The following EIF2AK1 variants were observed in gnomAD, a reference collection of about 807,000 sequenced individuals.
EIF2AK1 encodes the protein eukaryotic translation initiation factor 2-alpha kinase 1.
EIF2AK1 carries 54 observed loss-of-function variants against 77.9 expected under a neutral mutation model. The observed-to-expected ratio is 0.69, with a 90% CI of 0.56 to 0.87. The LOEUF (loss-of-function observed/expected upper bound fraction) is 0.87, where lower values mean the gene tolerates loss of function less well. Ranked by LOEUF, EIF2AK1 falls within the 40% of genes least tolerant of loss-of-function variation. EIF2AK1 has a pLI of 0.00. For missense variants in EIF2AK1, 810 were observed against 768.6 expected (o/e 1.05, Z -0.64); for synonymous variants, 314 against 290.5 (o/e 1.08, Z -0.82).
At chr7:6,037,577 G>T in intron 10 of EIF2AK1, 53 bp from the exon 11 acceptor site, 2 of 1,071,090 alleles carry the variant, frequency 1.9e-6, no homozygotes, top group South Asian at 1.3e-5. Context: ...CTCATTACAT[G>T]GGCATCTAAA....
intron 3 of EIF2AK1, among the ~76,000 whole-genome samples, chr7:6,049,152 C>T (rs1367111728): frequency 6.6e-6 from 1 of 152,138 alleles, no homozygotes; most frequent in East Asian, 1.9e-4. Context: ...CCCCCTCAGT[C>T]CATTCGCAAC....
In EIF2AK1 at chr7:6,033,449, T is replaced by C. The variant is rs2128886787; in HGVS notation, c.1332+3975A>G. ...GCAACATCATAAATATTTTGCCAAA[T>C]TAATGCACATTCTGAGGATTAAGAG... On this transcript the variant is annotated intron_variant, in intron 11 of 14. Transcript: ENST00000199389. The surrounding 1 kb of genome is among the most constrained non-coding windows in gnomAD (Gnocchi z 4.4). Among the ~76,000 whole-genome samples, 1 of 152,312 alleles carries C rather than the reference T, an allele frequency of 6.6e-6. No individual in the cohort carries two copies. Among genetic ancestry groups the C allele is most frequent in the South Asian group, 2.1e-4 (1 of 4,822 alleles).
intron 1 of EIF2AK1, among the ~76,000 whole-genome samples, chr7:6,058,727 C>T (rs991282069): frequency 6.6e-6 from 1 of 152,230 alleles, no homozygotes; most frequent in Non-Finnish European, 1.5e-5. Flanking sequence ...GAGAGGAAAC[C>T]AAGGAACAGA....
rs1259849289 is a variant in EIF2AK1 at position 6,048,857 on chromosome 7, A to C, written c.412-13T>G. ...CCTCACAAGGATCCTACAATTAAAAAATTGTTTTTAAAAAGCATTTTGAAA... is the reference window on the plus strand; with the variant it reads ...CCTCACAAGGATCCTACAATTAAAACATTGTTTTTAAAAAGCATTTTGAAA... On this transcript the variant is annotated splice_polypyrimidine_tract_variant and intron_variant, in intron 3 of 14. Coordinates refer to ENST00000199389, the MANE Select transcript of EIF2AK1 (RefSeq NM_014413.4). 6.4e-7 allele frequency: 1 copy of C among 1,569,838 alleles called. No individual in the cohort carries two copies. The highest frequency in any genetic ancestry group is 1.8e-4 in the Middle Eastern group (1 of 5,588).
chr7:6,054,455 C>T, intron 2 of EIF2AK1, 91 bp downstream of exon 2: 1 of 1,436,844 alleles, frequency 7.0e-7, no homozygotes, highest in South Asian at 1.3e-5. Context: ...CCGCCCACCT[C>T]AGCCTCCCAA....
chr7:6,034,070 C>T (rs1352683968), intron 11 of EIF2AK1, among the ~76,000 whole-genome samples: 1 of 151,744 alleles, frequency 6.6e-6, no homozygotes, highest in Non-Finnish European at 1.5e-5. Flanking sequence ...GTAATCCCAG[C>T]ACCATGGGAG....
chr7:6,037,583 C>G (rs1280277693), intron 10 of EIF2AK1, 59 bp from the exon 11 acceptor site: 1 of 1,002,162 alleles, frequency 1.0e-6, no homozygotes, highest in African/African-American at 1.6e-5. Flanking sequence ...ACATGGGCAT[C>G]TAAATATTAA....
At position 6,023,443 on chromosome 7, in the gene EIF2AK1, A is replaced by G. The variant is rs542661636; in HGVS notation, c.*1230T>C. 1.7e-5 allele frequency: 28 copies of G among 1,614,190 alleles called. No individual in the cohort carries two copies. In the East Asian group the frequency reaches 5.3e-4, roughly 31 times the overall value. On this transcript the variant is annotated 3_prime_UTR_variant, in exon 15 of 15. Transcript: ENST00000199389. Reference sequence around the variant, plus strand: ...AACCCTTATAGATAGCTGGGTAGATATTGCGATTTTTCAGTTAAAAGAGGG... The same window carrying G: ...AACCCTTATAGATAGCTGGGTAGATGTTGCGATTTTTCAGTTAAAAGAGGG...
intron 1 of EIF2AK1, among the ~76,000 whole-genome samples, chr7:6,055,148 G>A (rs1483962086): frequency 6.6e-6 from 1 of 151,916 alleles, no homozygotes; most frequent in Non-Finnish European, 1.5e-5. Context: ...TTTGAGACCA[G>A]CCTGACCAAC....
chr7:6,028,137 T>C, intron 13 of EIF2AK1: 1 of 334,228 alleles, frequency 3.0e-6, no homozygotes, highest in South Asian at 2.3e-5. Context: ...CAACACAGAG[T>C]CTACTGAAAA....
chr7:6,050,058 T>G lies in EIF2AK1; in HGVS notation c.278-13A>C, dbSNP rs772637200. 2 of 1,586,462 alleles carry G rather than the reference T, an allele frequency of 1.3e-6. No individual in the cohort carries two copies. The highest frequency in any genetic ancestry group is 2.3e-5 in the South Asian group (2 of 86,354). On this transcript the variant is annotated splice_polypyrimidine_tract_variant and intron_variant, in intron 2 of 14. Coordinates refer to ENST00000199389, the MANE Select transcript of EIF2AK1 (RefSeq NM_014413.4). ...GTCTGGCAAAGTACTATAAAAAGAATATGAAAAACTATTATTAGAAACATC... is the reference window on the plus strand; with the variant it reads ...GTCTGGCAAAGTACTATAAAAAGAAGATGAAAAACTATTATTAGAAACATC...
At chr7:6,058,882 G>A (rs1788871505) in intron 1 of EIF2AK1, 84 bp downstream of exon 1, 2 of 1,271,366 alleles carry the variant, frequency 1.6e-6, no homozygotes, top group Non-Finnish European at 2.1e-6. Context: ...AGGTCCTCAG[G>A]CAAACCTCAG....
rs751917506 is a variant in EIF2AK1 at position 6,041,263 on chromosome 7, G to A, written c.792-44C>T. ...GTAAACATAAAAGTCAATGGGCCGA[G>A]CACAGTGGCTCATGCCTGTAATCCC... On this transcript the variant is annotated intron_variant, in intron 8 of 14. Transcript: ENST00000199389. 37 of 1,546,536 alleles carry A rather than the reference G, an allele frequency of 2.4e-5. No homozygotes were observed. The African/African-American group carries it at 4.4e-4, about 18-fold the overall frequency.
rs1224076309 is a variant in EIF2AK1 at position 6,033,426 on chromosome 7, A to C, written c.1332+3998T>G. Among the ~76,000 whole-genome samples, 2 of 152,238 alleles carry C rather than the reference A, an allele frequency of 1.3e-5. No homozygotes were observed. Among genetic ancestry groups the C allele is most frequent in the Non-Finnish European group, 2.9e-5 (2 of 68,054 alleles). ...TACTCTGAAAAACTGAGAAAAATGC[A>C]ACATCATAAATATTTTGCCAAATTA... On this transcript the variant is annotated intron_variant, in intron 11 of 14. Transcript: ENST00000199389. This position sits in a 1 kb window ranked among gnomAD's most constrained non-coding sequence, Gnocchi z 4.4.
Position 6,035,930 on chromosome 7 carries a change from C to G in EIF2AK1, c.1332+1494G>C, listed in dbSNP as rs1011274220. On this transcript the variant is annotated intron_variant, in intron 11 of 14. Coordinates refer to ENST00000199389, the MANE Select transcript of EIF2AK1 (RefSeq NM_014413.4). This position sits in a 1 kb window ranked among gnomAD's most constrained non-coding sequence, Gnocchi z 5.5. ...GCTGCATCCGTCTGCTACTCACTCA[C>G]GGAGCCAAAGTCAACGCCCAGGACT... The G allele has an allele frequency of 1.9e-6, 3 of 1,546,934 alleles. No individual in the cohort carries two copies. Among genetic ancestry groups the G allele is most frequent in the African/African-American group, 1.4e-5 (1 of 72,990 alleles).
At position 6,036,056 on chromosome 7, in the gene EIF2AK1, A is replaced by T; in HGVS notation, c.1332+1368T>A. The stretch of plus-strand genomic sequence containing the variant: ...AAGCAAATGTTAACATTTTAACAAG[A>T]AACGGGGAATCTCCAATTTATATGT... On this transcript the variant is annotated intron_variant, in intron 11 of 14. Transcript: ENST00000199389. This position sits in a 1 kb window ranked among gnomAD's most constrained non-coding sequence, Gnocchi z 4.6. The T allele has an allele frequency of 1.3e-6, 2 of 1,551,094 alleles. No individual in the cohort carries two copies. Among genetic ancestry groups the T allele is most frequent in the Non-Finnish European group, 1.7e-6 (2 of 1,147,134 alleles).
intron 2 of EIF2AK1, 75 bp downstream of exon 2, chr7:6,054,471 T>C: frequency 2.6e-6 from 4 of 1,550,612 alleles, no homozygotes; most frequent in Non-Finnish European, 3.5e-6. Context: ...CCCAAAGTGC[T>C]GGGATTACAG....
At position 6,042,944 on chromosome 7, in the gene EIF2AK1, C is replaced by T; in HGVS notation, c.780G>A (p.Gln260=). The T allele has an allele frequency of 1.9e-6, 3 of 1,614,050 alleles. No homozygotes were observed. Among genetic ancestry groups the T allele is most frequent in the Non-Finnish European group, 2.5e-6 (3 of 1,179,940 alleles). Residue 260 remains glutamine (Q), a synonymous_variant, in exon 8 of 15, where the codon CAG becomes CAA. Coordinates refer to ENST00000199389, the MANE Select transcript of EIF2AK1 (RefSeq NM_014413.4). ...GTAAAAGGACATACCTGTCCTCTTC[C>T]TGGTCGGAGAGCACTTCCAGAGATG... ...ELPSLEVLSD[Q]EEDREQCGVK...
chr7:6,028,757 A>G (rs998102899), intron 12 of EIF2AK1, 60 bp from the exon 13 acceptor site: 1 of 1,540,828 alleles, frequency 6.5e-7, no homozygotes. Context: ...ATTAAAGAAC[A>G]TTTACTATGA....
Sources: gnomAD v4.1 joint callset for allele counts (sites outside exome capture counted in the v4.1 genomes callset) on GRCh38, gnomAD v4.1.1 for gene constraint, Gnocchi (gnomAD v3.1) non-coding constraint, MANE v1.5 for transcripts, NCBI Gene and HGNC (gene_info 2026-07-23, HGNC 2026-07-21) for gene names.